Variants in DLG2 observed in about 807,000 individuals in gnomAD.
The protein encoded by DLG2 is disks large homolog 2.
A neutral mutation model predicts 132.5 loss-of-function variants in DLG2; 45 were observed. The observed-to-expected ratio is 0.34, with a 90% confidence interval of 0.27 to 0.44. The LOEUF (loss-of-function observed/expected upper bound fraction) is 0.44, where lower values mean the gene tolerates loss of function less well. Ranked by LOEUF, DLG2 falls within the 20% of genes least tolerant of loss-of-function variation. DLG2 has a pLI of 1.00. For synonymous variants in DLG2, 424 were observed against 419.6 expected (o/e 1.01, Z -0.13); for missense variants, 1,045 against 1,196.9 (o/e 0.87, Z 1.87).
intron 18 of DLG2, among the ~76,000 whole-genome samples, chr11:83,682,726 G>T (rs1163206819): frequency 1.3e-5 from 2 of 152,126 alleles, no homozygotes; most frequent in East Asian, 3.9e-4. Flanking sequence ...CACTCTCACT[G>T]AGTCTCTCAG....
intron 21 of DLG2, among the ~76,000 whole-genome samples, chr11:83,520,639 G>GTAGATAGATAGATAGACAGATAGA (rs2095444250): frequency 6.8e-6 from 1 of 147,954 alleles, no homozygotes; most frequent in Non-Finnish European, 1.5e-5. Context: ...AGGTAGGTAG[G>GTAGATAGATAGATAGACAGATAGA]TAGATAGATA....
At chr11:85,561,728 G>A (rs889623147) in intron 3 of DLG2, among the ~76,000 whole-genome samples, 5 of 151,718 alleles carry the variant, frequency 3.3e-5, no homozygotes, top group South Asian at 2.1e-4. Flanking sequence ...TCTTACAACC[G>A]TTCTAATCAC....
chr11:84,909,085 C>A (rs180994419), intron 6 of DLG2, among the ~76,000 whole-genome samples: 1 of 152,106 alleles, frequency 6.6e-6, no homozygotes, highest in East Asian at 2.0e-4. Flanking sequence ...GTCCAGAAAC[C>A]TGAAATTTCT....
chr11:84,345,887 G>A (rs921082403), intron 7 of DLG2, among the ~76,000 whole-genome samples: 10 of 152,162 alleles, frequency 6.6e-5, no homozygotes, highest in Admixed American at 2.0e-4. Flanking sequence ...ATCCGAGACT[G>A]TCTGGCCTAC....
intron 6 of DLG2, among the ~76,000 whole-genome samples, chr11:84,634,016 GCATACATA>G (rs551089568): frequency 2.6e-5 from 4 of 152,090 alleles, no homozygotes; most frequent in South Asian, 2.1e-4. Flanking sequence ...AAGAAAAAAA[GCATACATA>G]CATACATACA....
chr11:85,415,968 T>G (rs1422327967), intron 3 of DLG2, among the ~76,000 whole-genome samples: 5 of 152,258 alleles, frequency 3.3e-5, no homozygotes, highest in Non-Finnish European at 7.3e-5. Flanking sequence ...TGAATGGTAT[T>G]GCCTAGGTTT....
chr11:83,802,009 A>G (rs1189210455), intron 17 of DLG2, among the ~76,000 whole-genome samples: 4 of 151,984 alleles, frequency 2.6e-5, no homozygotes, highest in Non-Finnish European at 5.9e-5. Context: ...CTCTAGGGGG[A>G]GAATGGTTGA....
intron 7 of DLG2, among the ~76,000 whole-genome samples, chr11:84,258,578 A>G (rs540896372): frequency 2.6e-5 from 4 of 152,204 alleles, no homozygotes; most frequent in African/African-American, 9.6e-5. Context: ...ATTAAAAAGA[A>G]GGAAGGAATG....
chr11:85,214,450 T>C (rs924234018), intron 4 of DLG2, among the ~76,000 whole-genome samples: 2 of 152,090 alleles, frequency 1.3e-5, no homozygotes, highest in Non-Finnish European at 2.9e-5. Context: ...TTCTTACCCA[T>C]CTCTCCCTAC....
intron 7 of DLG2, among the ~76,000 whole-genome samples, chr11:84,468,653 G>A (rs2099100955): frequency 6.6e-6 from 1 of 151,410 alleles, no homozygotes; most frequent in African/African-American, 2.4e-5. Flanking sequence ...ATTTAACCAA[G>A]ACATGCTTTA....
intron 14 of DLG2, among the ~76,000 whole-genome samples, chr11:83,955,416 G>A (rs762458170): frequency 6.6e-5 from 10 of 152,188 alleles, no homozygotes; most frequent in Non-Finnish European, 1.2e-4. Context: ...AAAAGTGACA[G>A]TGACAGGAGG....
At chr11:84,714,612 TCTC>T (rs2060935407) in intron 6 of DLG2, among the ~76,000 whole-genome samples, 12 of 105,036 alleles carry the variant, frequency 1.1e-4, no homozygotes, top group African/African-American at 4.8e-4. Context: ...TCTTTCTCTT[TCTC>T]TTTCTCTTTC....
At chr11:84,809,238 C>T (rs1047420915) in intron 6 of DLG2, among the ~76,000 whole-genome samples, 6 of 151,844 alleles carry the variant, frequency 4.0e-5, no homozygotes, top group African/African-American at 1.2e-4. Context: ...TTTCAACACA[C>T]ATTGATAAAA....
intron 19 of DLG2, among the ~76,000 whole-genome samples, chr11:83,587,772 C>G (rs1194829275): frequency 1.3e-5 from 2 of 152,130 alleles, no homozygotes; most frequent in Non-Finnish European, 2.9e-5. Context: ...GGGCGCAGGT[C>G]AGTGGGTGCG....
chr11:84,437,335 A>G (rs2099003778), intron 7 of DLG2: 1 of 152,200 alleles, frequency 6.6e-6, no homozygotes, highest in African/African-American at 2.4e-5. Context: ...AATGGTCCAG[A>G]GCAGGCAGTT....
At chr11:84,375,912 CCTGTTCAATGA>C (rs1348170490) in intron 7 of DLG2, among the ~76,000 whole-genome samples, 1 of 151,938 alleles carries the variant, frequency 6.6e-6, no homozygotes, top group African/African-American at 2.4e-5. Flanking sequence ...TTAATTAAAT[CCTGTTCAATGA>C]CTTGTTTGTG....
At chr11:84,734,964 AG>A (rs1337114213) in intron 6 of DLG2, among the ~76,000 whole-genome samples, 1 of 152,204 alleles carries the variant, frequency 6.6e-6, no homozygotes, top group Non-Finnish European at 1.5e-5. Flanking sequence ...ATGTTGAACC[AG>A]CCTTGCATCC....
intron 4 of DLG2, among the ~76,000 whole-genome samples, chr11:85,223,073 A>G (rs1469282273): frequency 6.6e-6 from 1 of 152,210 alleles, no homozygotes; most frequent in Non-Finnish European, 1.5e-5. Flanking sequence ...TGAGTGTGCC[A>G]AGCAAATCAA....
At chr11:84,788,153 A>T (rs2073243418) in intron 6 of DLG2, among the ~76,000 whole-genome samples, 1 of 149,466 alleles carries the variant, frequency 6.7e-6, no homozygotes, top group African/African-American at 2.5e-5. Flanking sequence ...ATCAATCTCC[A>T]CAAGACACAT....
Sources: allele counts gnomAD v4.1 joint callset (sites outside exome capture counted in the v4.1 genomes callset), GRCh38; gene constraint gnomAD v4.1.1; transcripts MANE v1.5; gene names NCBI Gene and HGNC (gene_info 2026-07-23, HGNC 2026-07-21).